The following RUNX1T1 variants were observed in gnomAD, a reference collection of about 807,000 sequenced individuals.
RUNX1T1 encodes RUNX1 partner transcriptional co-repressor 1.
A neutral mutation model predicts 62.8 loss-of-function variants in RUNX1T1; 4 were observed. The observed-to-expected ratio is 0.06, with a 90% CI of 0.03 to 0.15. RUNX1T1 has a LOEUF of 0.15. Ranked by LOEUF, RUNX1T1 falls within the 10% of genes least tolerant of loss-of-function variation. The pLI is 1.00. For synonymous variants in RUNX1T1, 291 were observed against 286.0 expected, an observed-to-expected ratio of 1.02 and a Z score of -0.18; for missense variants, 508 against 754.3, an observed-to-expected ratio of 0.67 and a Z score of 3.82.
chr8:91,965,728 G>A (rs955953305), intron 10 of RUNX1T1, among the ~76,000 whole-genome samples: 3 of 151,966 alleles, frequency 2.0e-5, no homozygotes, highest in African/African-American at 7.3e-5. Context: ...TTTAGCCCCT[G>A]GAACCATTCA....
chr8:92,100,469 G>T (rs377452942), upstream of RUNX1T1, among the ~76,000 whole-genome samples: 6 of 152,102 alleles, frequency 3.9e-5, no homozygotes, highest in East Asian at 1.2e-3. Context: ...TATTAAAAAA[G>T]TCCGTTTTTA....
intron 1 of RUNX1T1, among the ~76,000 whole-genome samples, chr8:92,044,921 T>C (rs1829124126): frequency 6.6e-6 from 1 of 152,132 alleles, no homozygotes. Flanking sequence ...GAGGAAGCTA[T>C]GCACAAGTAA....
chr8:92,060,186 G>A (rs557670758), intron 1 of RUNX1T1, among the ~76,000 whole-genome samples: 2 of 152,102 alleles, frequency 1.3e-5, no homozygotes, highest in South Asian at 4.1e-4. Context: ...GTGACAGGTA[G>A]TAAAATGATA....
At chr8:92,079,739 A>G (rs1325552560) in intron 1 of RUNX1T1, among the ~76,000 whole-genome samples, 1 of 152,008 alleles carries the variant, frequency 6.6e-6, no homozygotes, top group Non-Finnish European at 1.5e-5. Flanking sequence ...CTTGGCACTC[A>G]TCTACAGTTT....
chr8:92,077,389 A>G (rs1228664938), intron 1 of RUNX1T1, among the ~76,000 whole-genome samples: 1 of 152,108 alleles, frequency 6.6e-6, no homozygotes. Flanking sequence ...TAACCAAGAT[A>G]CATAAATATA....
At chr8:92,022,589 G>T (rs1465190511) in intron 1 of RUNX1T1, among the ~76,000 whole-genome samples, 1 of 152,144 alleles carries the variant, frequency 6.6e-6, no homozygotes, top group East Asian at 1.9e-4. Context: ...CTTCTGCCAT[G>T]TAAAAAGGCA....
At chr8:92,037,039 A>C (rs1053868219) in intron 1 of RUNX1T1, among the ~76,000 whole-genome samples, 1 of 152,188 alleles carries the variant, frequency 6.6e-6, no homozygotes, top group Admixed American at 6.5e-5. Context: ...GTGATGGGCT[A>C]ATGATGGCAA....
chr8:92,018,218 T>C (rs1823396261), intron 1 of RUNX1T1, among the ~76,000 whole-genome samples: 1 of 152,238 alleles, frequency 6.6e-6, no homozygotes, highest in Non-Finnish European at 1.5e-5. Flanking sequence ...CTGAACTGTT[T>C]TTCTCAATCT....
chr8:91,999,393 A>G (rs1819332547), intron 5 of RUNX1T1, among the ~76,000 whole-genome samples: 1 of 152,200 alleles, frequency 6.6e-6, no homozygotes, highest in South Asian at 2.1e-4. Flanking sequence ...TTCTGCCTGC[A>G]AAATGGGAAA....
intron 10 of RUNX1T1, among the ~76,000 whole-genome samples, chr8:91,969,832 C>T (rs943577249): frequency 2.6e-5 from 4 of 152,116 alleles, no homozygotes; most frequent in Non-Finnish European, 5.9e-5. Flanking sequence ...ATTGTGAGTT[C>T]GGCTTGGTGA....
intron 2 of RUNX1T1, 130 bp downstream of exon 3, chr8:92,017,096 G>A: frequency 2.9e-6 from 2 of 684,476 alleles, no homozygotes; most frequent in African/African-American, 3.6e-5. Flanking sequence ...GCAAACAAAT[G>A]ATTTTTTTTG....
intron 1 of RUNX1T1, among the ~76,000 whole-genome samples, chr8:92,060,543 A>ATGTGTG (rs1483893086): frequency 4.7e-5 from 5 of 105,594 alleles, no homozygotes; most frequent in African/African-American, 7.1e-5. Context: ...ATATATATAT[A>ATGTGTG]TATATATATA....
chr8:92,019,185 G>A (rs1474580583), intron 1 of RUNX1T1: 1 of 152,132 alleles, frequency 6.6e-6, no homozygotes, highest in Non-Finnish European at 1.5e-5. Context: ...TGCAGCTGAG[G>A]GAAGAGGTAC....
intron 8 of RUNX1T1, among the ~76,000 whole-genome samples, chr8:91,976,949 G>C (rs1186579602): frequency 6.6e-6 from 1 of 152,140 alleles, no homozygotes; most frequent in East Asian, 1.9e-4. Context: ...TTTTCTCTAT[G>C]TGTACAGTAA....
rs571525910 is a variant in RUNX1T1, at chr8:92,001,484, G to A, written c.659+3632C>T. 7.9e-5 allele frequency among the ~76,000 whole-genome samples: 12 copies of A among 152,330 alleles called. No individual in the cohort carries two copies. In the South Asian group the frequency reaches 2.5e-3, roughly 32 times the overall value. On this transcript the variant is annotated intron_variant, in intron 5 of 10. Coordinates refer to ENST00000396218, the Ensembl canonical transcript of RUNX1T1. ...AGAGAATAATGTTTAACCCTTGGGG[G>A]AGGAGGAAATACATATTAATCCAAC...
At chr8:91,960,646 G>GA in intron 10 of RUNX1T1, 129 bp from the exon 12 acceptor site, 3 of 991,740 alleles carry the variant, frequency 3.0e-6, no homozygotes, top group African/African-American at 1.6e-5. Context: ...AAAAATCCAG[G>GA]TGTTCACGTA....
chr8:91,974,272 T>C (rs1269246807), intron 9 of RUNX1T1, among the ~76,000 whole-genome samples: 1 of 152,172 alleles, frequency 6.6e-6, no homozygotes, highest in African/African-American at 2.4e-5. Context: ...ATGGTAGGAC[T>C]TCCTTTGTAC....
At chr8:91,959,894 G>T (rs1810065876) in exon 11 of RUNX1T1, 2 of 327,440 alleles carry the variant, frequency 6.1e-6, no homozygotes, top group African/African-American at 4.1e-5. Context: ...TTTGCTGTTT[G>T]GTAAAGCATC....
At chr8:92,062,507 T>C (rs759919308) in intron 1 of RUNX1T1, 49 of 1,604,028 alleles carry the variant, frequency 3.1e-5, no homozygotes, top group South Asian at 2.8e-4. Context: ...GCTTTCTTCA[T>C]TGGAAAAACA....
Sources: gnomAD v4.1 joint callset for allele counts (sites outside exome capture counted in the v4.1 genomes callset) on GRCh38, gnomAD v4.1.1 for gene constraint, MANE v1.5 for transcripts, NCBI Gene and HGNC (gene_info 2026-07-23, HGNC 2026-07-21) for gene names.